Variants in POLQ observed in about 807,000 individuals in gnomAD.
The protein encoded by POLQ is DNA polymerase theta.
A neutral mutation model predicts 259.2 loss-of-function variants in POLQ; 233 were observed. The ratio of observed to expected loss-of-function variants is 0.90; its 90% CI spans 0.81 to 1.00. The LOEUF is 1.00. Ranked by LOEUF, POLQ falls within the 50% of genes least tolerant of loss-of-function variation. The pLI, the probability that POLQ is intolerant of heterozygous loss-of-function variation, is 0.00. For missense variants in POLQ, 2,871 were observed against 3,051.6 expected, an observed-to-expected ratio of 0.94 and a Z score of 1.39; for synonymous variants, 1,025 against 1,048.8, an observed-to-expected ratio of 0.98 and a Z score of 0.44.
At chr3:121,502,134 C>A (rs2048175430) in intron 12 of POLQ, among the ~76,000 whole-genome samples, 1 of 152,056 alleles carries the variant, frequency 6.6e-6, no homozygotes, top group South Asian at 2.1e-4. Flanking sequence ...AGTATCATTA[C>A]ATATTTCTCT....
chr3:121,490,558 G>C (rs1024501677), intron 15 of POLQ, 150 bp from the exon 16 acceptor site: 19 of 656,542 alleles, frequency 2.9e-5, no homozygotes, highest in Non-Finnish European at 4.7e-5. Flanking sequence ...GCACATTCTA[G>C]CTGGGGAATT....
intron 19 of POLQ, 39 bp downstream of exon 19, chr3:121,481,533 T>C: frequency 8.4e-6 from 13 of 1,538,764 alleles, no homozygotes; most frequent in Non-Finnish European, 1.1e-5. Flanking sequence ...TCTCTATCTC[T>C]AATCTATAAC....
intron 25 of POLQ, among the ~76,000 whole-genome samples, chr3:121,454,187 G>C (rs1171346903): frequency 6.6e-6 from 1 of 152,168 alleles, no homozygotes; most frequent in Non-Finnish European, 1.5e-5. Context: ...AATGCTGAGA[G>C]ATTTTGTCAC....
chr3:121,451,807 T>G (rs1207942446), intron 25 of POLQ, among the ~76,000 whole-genome samples: 1 of 152,228 alleles, frequency 6.6e-6, no homozygotes, highest in Non-Finnish European at 1.5e-5. Context: ...CACTACTCTC[T>G]TCAAAGCTGT....
chr3:121,467,211 T>C (rs2047845299), intron 24 of POLQ, among the ~76,000 whole-genome samples: 1 of 151,788 alleles, frequency 6.6e-6, no homozygotes. Flanking sequence ...TGTAAACAAG[T>C]TAAAGAGGAT....
At chr3:121,473,564 T>A in intron 20 of POLQ, 77 bp from the exon 21 acceptor site, 1 of 1,266,530 alleles carries the variant, frequency 7.9e-7, no homozygotes, top group Non-Finnish European at 1.1e-6. Flanking sequence ...TTAAGTTATT[T>A]CAGAAAACAA....
Position 121,537,136 on chromosome 3 carries a change from G to A in POLQ, c.704C>T (p.Thr235Ile). Residue 235 changes from threonine (T) to isoleucine (I), a missense_variant, in exon 5 of 30, where the codon ACC becomes ATC. Physicochemically the swap from Thr to Ile is moderately conservative, Grantham distance 89 (BLOSUM62 -1). Around this residue, in one of 3 missense-constraint regions of POLQ, gnomAD observed 783 missense variants for 906.2 expected, o/e 0.86. Transcript: ENST00000264233. ...TTTCCGAGTAATATAGCAAATCTTG[G>A]TCAGCAAAAGTTCCAGCAGATACCC... The part of the protein sequence containing the change: ...HRGYLLELLL[T>I]KICYITRKSA... 6.3e-7 allele frequency: 1 copy of A among 1,597,126 alleles called. No homozygotes were observed. Among genetic ancestry groups the A allele is most frequent in the South Asian group, 1.1e-5 (1 of 90,578 alleles).
chr3:121,509,434 C>A (rs1315696066), intron 12 of POLQ, 127 bp downstream of exon 12: 3 of 636,460 alleles, frequency 4.7e-6, no homozygotes, highest in Non-Finnish European at 7.7e-6. Context: ...TTCTCTATTC[C>A]CACCAGTACT....
chr3:121,493,758 T>G, intron 14 of POLQ, 37 bp from the exon 15 acceptor site: 2 of 1,567,448 alleles, frequency 1.3e-6, no homozygotes, highest in Non-Finnish European at 1.7e-6. Flanking sequence ...AATTCAATTT[T>G]TTTTACAGAC....
rs776271353 is a variant in POLQ at position 121,487,862 on chromosome 3, A to C, written c.5069T>G (p.Val1690Gly). ...EVISNLETKQ[V>G]QGISFSSNNE... ...ATTAGAAGAAAATGAAATTCCCTGC[A>C]CTTGTTTTGTCTCCAAGTTTGAAAT... is the stretch of plus-strand genomic sequence containing the variant. Residue 1690 changes from valine (V) to glycine (G), a missense_variant, in exon 16 of 30, where the codon GTG (valine) becomes GGG (glycine). Physicochemically the swap from Val to Gly is moderately radical, Grantham distance 109 (BLOSUM62 -3). Coordinates refer to ENST00000264233, the MANE Select transcript of POLQ (RefSeq NM_199420.4). 21 of 1,610,664 alleles carry C rather than the reference A, an allele frequency of 1.3e-5. No homozygotes were observed. The highest frequency in any genetic ancestry group is 6.7e-5 in the Admixed American group (4 of 59,398).
intron 19 of POLQ, among the ~76,000 whole-genome samples, chr3:121,479,004 C>T (rs1191424913): frequency 2.6e-5 from 4 of 152,224 alleles, no homozygotes; most frequent in East Asian, 1.9e-4. Context: ...AGAGCATTTA[C>T]ACAACAGCTC....
At chr3:121,473,272 A>C in intron 21 of POLQ, 78 bp downstream of exon 21, 15 of 1,242,564 alleles carry the variant, frequency 1.2e-5, no homozygotes, top group Non-Finnish European at 1.5e-5. Context: ...TGTTGATTTC[A>C]TCAGCATTCT....
rs72969988 is a variant in POLQ at position 121,500,674 on chromosome 3, G to A, written c.1960-2004C>T. ...TCATCTGAAGAAATTATGGCTAAAAGTATTCCAAATTTGATGGACAACATT... is the reference window on the plus strand; with the variant it reads ...TCATCTGAAGAAATTATGGCTAAAAATATTCCAAATTTGATGGACAACATT... On this transcript the variant is annotated intron_variant, in intron 12 of 29. Coordinates refer to ENST00000264233, the MANE Select transcript of POLQ (RefSeq NM_199420.4). 3.3e-3 allele frequency among the ~76,000 whole-genome samples: 504 copies of A among 152,194 alleles called. 5 individuals are homozygous for A. The highest frequency in any genetic ancestry group is 0.012 in the African/African-American group (479 of 41,520).
rs1295281059 is a variant in POLQ, at chr3:121,544,836, T to C, written c.234A>G (p.Lys78=). 1 of 1,611,912 alleles carries C rather than the reference T, an allele frequency of 6.2e-7. No individual in the cohort carries two copies. The highest frequency in any genetic ancestry group is 8.5e-7 in the Non-Finnish European group (1 of 1,178,024). The change falls in exon 2 of 30, where the codon AAA becomes AAG. Residue 78 remains lysine (K), a synonymous_variant. Transcript: ENST00000264233. ...AACTGTGGTATTTTTCCAGAACTGC[T>C]TTAGGAAGTCCCCAGTTTGCCAATA... ...KLLLANWGLP[K]AVLEKYHSFG...
intron 7 of POLQ, 63 bp from the exon 8 acceptor site, chr3:121,522,212 T>G (rs2048341436): frequency 8.5e-7 from 1 of 1,179,780 alleles, no homozygotes; most frequent in South Asian, 1.5e-5. Context: ...TGTATCTGTC[T>G]AAATCATAAT....
chr3:121,494,547 T>C, intron 14 of POLQ: 1 of 1,582,630 alleles, frequency 6.3e-7, no homozygotes, highest in Non-Finnish European at 8.6e-7. Flanking sequence ...ACCACCTTGG[T>C]GGAGAACAAG....
chr3:121,490,443 T>G, intron 15 of POLQ, 35 bp from the exon 16 acceptor site: 10 of 1,513,116 alleles, frequency 6.6e-6, no homozygotes, highest in South Asian at 2.3e-5. Flanking sequence ...AGAAATGAAT[T>G]CATTCATTCG....
chr3:121,459,447 T>C (rs1278287648), intron 25 of POLQ, among the ~76,000 whole-genome samples: 1 of 147,624 alleles, frequency 6.8e-6, no homozygotes, highest in Non-Finnish European at 1.5e-5. Context: ...AGTGGCGCTA[T>C]CTCGGCTCAC....
At chr3:121,433,639 C>A (rs1041516696) in intron 28 of POLQ, among the ~76,000 whole-genome samples, 1 of 152,178 alleles carries the variant, frequency 6.6e-6, no homozygotes, top group Non-Finnish European at 1.5e-5. Flanking sequence ...ATAATCCATA[C>A]CTTCCAGTAG....
Sources: allele counts gnomAD v4.1 joint callset (sites outside exome capture counted in the v4.1 genomes callset), GRCh38; gene constraint gnomAD v4.1.1; regional missense constraint gnomAD v4.1.1; transcripts MANE v1.5; gene names NCBI Gene and HGNC (gene_info 2026-07-23, HGNC 2026-07-21).